The following HADHA variants were observed in gnomAD, a reference collection of about 807,000 sequenced individuals.
The protein encoded by HADHA is trifunctional enzyme subunit alpha, mitochondrial.
Under a neutral mutation model 91.3 loss-of-function variants are expected in HADHA, and 59 were observed. That is an observed-to-expected ratio of 0.65 (90% CI 0.52 to 0.80). The LOEUF is 0.80. Among genes scored for constraint, HADHA ranks in the 30% least tolerant of loss-of-function variants. The pLI, the probability that HADHA is intolerant of heterozygous loss-of-function variation, is 0.00. For missense variants in HADHA, 800 were observed against 927.6 expected (o/e 0.86, Z 1.79); for synonymous variants, 320 against 338.9 (o/e 0.94, Z 0.61).
chr2:26,191,314 T>C lies in HADHA; in HGVS notation c.2228A>G (p.Gln743Arg). 2 of 1,613,874 alleles carry C rather than the reference T, an allele frequency of 1.2e-6. No individual in the cohort carries two copies. Among genetic ancestry groups the C allele is most frequent in the Non-Finnish European group, 1.7e-6 (2 of 1,180,024 alleles). The change falls in exon 20 of 20, where the codon CAG becomes CGG. Residue 743 changes from glutamine (Q) to arginine (R), a missense_variant. Transcript: ENST00000380649. ...AGCTAGCAGCTGGCATGGGGTGAAC[T>C]GTTTTCCATAGGCAGCTTCATATTT... is the stretch of plus-strand genomic sequence containing the variant. ...LKKYEAAYGK[Q>R]FTPCQLLADH...
intron 7 of HADHA, among the ~76,000 whole-genome samples, chr2:26,224,903 A>C (rs1186816344): frequency 6.6e-6 from 1 of 152,248 alleles, no homozygotes; most frequent in Non-Finnish European, 1.5e-5. Context: ...TCAGGAATGA[A>C]TGAGGAGACA....
chr2:26,231,968 CAAA>C (rs70950177), intron 6 of HADHA, among the ~76,000 whole-genome samples, 189 bp downstream of exon 6: 23 of 92,436 alleles, frequency 2.5e-4, no homozygotes, highest in African/African-American at 6.5e-4. Flanking sequence ...GATTTTGTCT[CAAA>C]AAAAAAAAAA....
chr2:26,198,935 C>A (rs1383781488), intron 13 of HADHA, among the ~76,000 whole-genome samples: 1 of 151,292 alleles, frequency 6.6e-6, no homozygotes, highest in South Asian at 2.1e-4. Flanking sequence ...TGCTTTTTCG[C>A]CCAGGCTAGA....
intron 17 of HADHA, among the ~76,000 whole-genome samples, chr2:26,193,368 A>G (rs1259892495): frequency 1.4e-5 from 2 of 144,040 alleles, no homozygotes; most frequent in Non-Finnish European, 3.0e-5. Context: ...GGCTCAAGCG[A>G]TCCTCCCACC....
chr2:26,243,904 C>T (rs3806514), intron 1 of HADHA, among the ~76,000 whole-genome samples: 30,671 of 152,194 alleles, frequency 0.2, 3,161 homozygotes, highest in Middle Eastern at 0.26. Flanking sequence ...GAGGTATTAG[C>T]GTATTTTTAA....
intron 17 of HADHA, 134 bp from the exon 18 acceptor site, chr2:26,192,558 G>C: frequency 1.4e-6 from 1 of 701,746 alleles, no homozygotes; most frequent in East Asian, 2.7e-5. Flanking sequence ...AGGCCGAGGC[G>C]GAGGATCATT....
chr2:26,232,349 G>A (rs936885887), intron 5 of HADHA, 70 bp from the exon 6 acceptor site: 1 of 1,031,732 alleles, frequency 9.7e-7, no homozygotes, highest in Non-Finnish European at 1.5e-6. Context: ...ATGGATAAGG[G>A]TCTAAAGATT....
chr2:26,211,792 G>A (rs1243180611), intron 10 of HADHA: 1 of 152,210 alleles, frequency 6.6e-6, no homozygotes, highest in African/African-American at 2.4e-5. Context: ...CACAGGTAAA[G>A]CTGGTACATA....
At chr2:26,193,824 C>G (rs1558314822) in intron 16 of HADHA, 52 bp from the exon 17 acceptor site, 3 of 1,409,032 alleles carry the variant, frequency 2.1e-6, no homozygotes, top group Admixed American at 1.7e-5. Flanking sequence ...CCAAATCCCC[C>G]CAAAGGGCTC....
At chr2:26,193,883 T>C (rs1180577600) in intron 16 of HADHA, 111 bp from the exon 17 acceptor site, 1 of 829,108 alleles carries the variant, frequency 1.2e-6, no homozygotes, top group Non-Finnish European at 2.1e-6. Context: ...CTTCTGAGTG[T>C]CACCTGACCA....
intron 4 of HADHA, 111 bp downstream of exon 4, chr2:26,236,744 T>C: frequency 1.2e-6 from 1 of 835,252 alleles, no homozygotes; most frequent in Non-Finnish European, 2.0e-6. Flanking sequence ...TTTACAGGCC[T>C]GTGTCACTGT....
At chr2:26,212,119 G>T in intron 10 of HADHA, 1 of 165,416 alleles carries the variant, frequency 6.0e-6, no homozygotes, top group Admixed American at 5.9e-5. Flanking sequence ...GTCTCACTTT[G>T]TCACCCAGGC....
chr2:26,197,978 C>T (rs1326611709), intron 13 of HADHA, among the ~76,000 whole-genome samples: 1 of 152,100 alleles, frequency 6.6e-6, no homozygotes, highest in African/African-American at 2.4e-5. Context: ...GTTCCTTTTC[C>T]CATTCTGCCT....
intron 10 of HADHA, among the ~76,000 whole-genome samples, chr2:26,211,627 A>G (rs1574613587): frequency 6.6e-6 from 1 of 152,240 alleles, no homozygotes; most frequent in South Asian, 2.1e-4. Flanking sequence ...ACTATCTGAC[A>G]AAGTCTGAAA....
In HADHA at chr2:26,214,549, T is replaced by G; in HGVS notation, c.812A>C (p.Tyr271Ser). Reference sequence around the variant, plus strand: ...CCTGACAAATGGAATAGTCATGGCATACGCTGTCAATTCTGTAAAATAAAA... The same window carrying G: ...CCTGACAAATGGAATAGTCATGGCAGACGCTGTCAATTCTGTAAAATAAAA... ...DKGLVEKLTAYAMTIPFVRQQ... is the reference protein window; with the variant it reads ...DKGLVEKLTASAMTIPFVRQQ... Residue 271 changes from tyrosine to serine, a missense_variant, in exon 9 of 20, where the codon TAT becomes TCT. Tyr to Ser is a moderately radical substitution (Grantham distance 144). Transcript: ENST00000380649. The surrounding 1 kb of genome is among the most constrained non-coding windows in gnomAD (Gnocchi z 4.1). 2 of 1,570,660 alleles carry G rather than the reference T, an allele frequency of 1.3e-6. No homozygotes were observed. The highest frequency in any genetic ancestry group is 1.8e-6 in the Non-Finnish European group (2 of 1,140,410).
chr2:26,200,389 C>A (rs1157747375), intron 13 of HADHA, among the ~76,000 whole-genome samples: 8 of 152,190 alleles, frequency 5.3e-5, no homozygotes, highest in Non-Finnish European at 7.4e-5. Context: ...ACTTCAAGTA[C>A]TTGTTTTGTT....
chr2:26,212,969 A>G (rs867256887), intron 9 of HADHA, among the ~76,000 whole-genome samples: 2 of 152,214 alleles, frequency 1.3e-5, no homozygotes, highest in African/African-American at 4.8e-5. Flanking sequence ...TGCATGACCT[A>G]GTTTATCACA....
intron 10 of HADHA, among the ~76,000 whole-genome samples, chr2:26,211,586 A>C (rs1259692240): frequency 1.3e-5 from 2 of 152,224 alleles, no homozygotes; most frequent in East Asian, 1.9e-4. Flanking sequence ...CCCATTCCCA[A>C]GATCTCTCAT....
In HADHA at chr2:26,229,348, G is replaced by GCGCACACACACA. The variant is rs1553315305; in HGVS notation, c.676+843_676+844insTGTGTGTGTGCG. On this transcript the variant is annotated intron_variant, in intron 7 of 19. Transcript: ENST00000380649. The surrounding 1 kb of genome is among the most constrained non-coding windows in gnomAD (Gnocchi z 4.3). ...GTGAGACCCCAACATGTGTGCGCGC[G>GCGCACACACACA]CACACACACACACACACACACACAC... Among the ~76,000 whole-genome samples, 12 of 147,626 alleles carry GCGCACACACACA rather than the reference G, an allele frequency of 8.1e-5. No individual in the cohort carries two copies. The highest frequency in any genetic ancestry group is 3.0e-4 in the African/African-American group (12 of 39,656).
Sources: gnomAD v4.1 joint callset for allele counts (sites outside exome capture counted in the v4.1 genomes callset) on GRCh38, gnomAD v4.1.1 for gene constraint, Gnocchi (gnomAD v3.1) non-coding constraint, MANE v1.5 for transcripts, NCBI Gene and HGNC (gene_info 2026-07-23, HGNC 2026-07-21) for gene names.